The following MAML2 variants were observed in gnomAD, a reference collection of about 807,000 sequenced individuals.
MAML2 encodes mastermind like transcriptional coactivator 2, also known as mastermind-like protein 2.
A neutral mutation model predicts 96.1 loss-of-function variants in MAML2; 22 were observed. That is an observed-to-expected ratio of 0.23 (90% CI 0.16 to 0.33). The LOEUF (loss-of-function observed/expected upper bound fraction) is 0.33, where lower values mean the gene tolerates loss of function less well. MAML2 is among the 10% of genes least tolerant of loss of function. The pLI is 1.00. For synonymous variants in MAML2, 561 were observed against 521.3 expected, an observed-to-expected ratio of 1.08 and a Z score of -1.04; for missense variants, 1,367 against 1,392.4, an observed-to-expected ratio of 0.98 and a Z score of 0.29.
intron 1 of MAML2, among the ~76,000 whole-genome samples, chr11:96,248,235 C>G (rs888791522): frequency 2.6e-5 from 4 of 151,336 alleles, no homozygotes; most frequent in Non-Finnish European, 5.9e-5. Flanking sequence ...ACCTCAGCCT[C>G]CCGGGTAGCT....
At chr11:96,264,871 G>A (rs766897774) in intron 1 of MAML2, among the ~76,000 whole-genome samples, 13 of 152,112 alleles carry the variant, frequency 8.5e-5, no homozygotes, top group Non-Finnish European at 1.6e-4. Context: ...ATTTAGTTTT[G>A]CAAGAACACA....
intron 2 of MAML2, among the ~76,000 whole-genome samples, chr11:96,090,991 G>GTTCC (rs746446514): frequency 6.6e-6 from 1 of 152,204 alleles, no homozygotes; most frequent in Non-Finnish European, 1.5e-5. Context: ...TATATTCAAA[G>GTTCC]TTCCTTCCTT....
intron 1 of MAML2, among the ~76,000 whole-genome samples, chr11:96,126,108 C>A (rs1190532491): frequency 1.3e-5 from 2 of 152,136 alleles, no homozygotes; most frequent in Non-Finnish European, 2.9e-5. Flanking sequence ...TAAGCCCTAA[C>A]TATGTAGTCA....
chr11:96,140,187 C>A (rs1860708697), intron 1 of MAML2, among the ~76,000 whole-genome samples: 1 of 152,240 alleles, frequency 6.6e-6, no homozygotes, highest in Non-Finnish European at 1.5e-5. Context: ...CTCCATTAGA[C>A]TTGTGGCAAG....
At chr11:96,212,163 C>G (rs476817) in intron 1 of MAML2, among the ~76,000 whole-genome samples, 126,833 of 149,540 alleles carry the variant, frequency 0.85, 54,092 homozygotes, top group African/African-American at 0.94. Flanking sequence ...AAGGGGGACT[C>G]GTAATCTCAT....
chr11:96,022,599 T>G (rs1554996904), intron 2 of MAML2, among the ~76,000 whole-genome samples: 1 of 152,068 alleles, frequency 6.6e-6, no homozygotes. Context: ...CCCGAATATC[T>G]GTAGAGGAAA....
At chr11:96,230,853 C>T (rs1269969828) in intron 1 of MAML2, among the ~76,000 whole-genome samples, 2 of 152,328 alleles carry the variant, frequency 1.3e-5, no homozygotes, top group Admixed American at 6.5e-5. Flanking sequence ...ACCCAAATAG[C>T]GGTGTTGTAA....
In MAML2 at chr11:96,331,600, C is replaced by T. The variant is rs1379924052; in HGVS notation, c.513+9783G>A. Among the ~76,000 whole-genome samples, 3 of 151,418 alleles carry T rather than the reference C, an allele frequency of 2.0e-5. No individual in the cohort carries two copies. The South Asian group carries it at 6.2e-4, about 32-fold the overall frequency. On this transcript the variant is annotated intron_variant, in intron 1 of 4. Transcript: ENST00000524717. ...ATCACTTGAGGTCAGGAGTTTGAGA[C>T]CAGCCTGACCAACATGGTGAAACCC...
intron 1 of MAML2, among the ~76,000 whole-genome samples, chr11:96,128,270 T>C (rs928053016): frequency 2.6e-5 from 4 of 152,122 alleles, no homozygotes; most frequent in African/African-American, 9.7e-5. Flanking sequence ...GGCTCATGCC[T>C]GTAGTCCCAA....
intron 1 of MAML2, among the ~76,000 whole-genome samples, chr11:96,166,192 C>T (rs1215211361): frequency 2.6e-5 from 4 of 151,048 alleles, no homozygotes; most frequent in Non-Finnish European, 5.9e-5. Context: ...CACACACACA[C>T]ACACACACAC....
intron 1 of MAML2, among the ~76,000 whole-genome samples, chr11:96,236,163 A>G (rs1862364482): frequency 6.6e-6 from 1 of 152,252 alleles, no homozygotes; most frequent in African/African-American, 2.4e-5. Context: ...CTTCTGTGCC[A>G]CTGGCATATG....
At chr11:96,105,867 T>C (rs1239216643) in intron 1 of MAML2, among the ~76,000 whole-genome samples, 1 of 118,378 alleles carries the variant, frequency 8.4e-6, no homozygotes, top group Non-Finnish European at 2.0e-5. Context: ...GATATTTGGT[T>C]ATAATGGAAA....
At chr11:96,325,241 C>A (rs946224787) in intron 1 of MAML2, among the ~76,000 whole-genome samples, 1 of 152,084 alleles carries the variant, frequency 6.6e-6, no homozygotes, top group Non-Finnish European at 1.5e-5. Context: ...CTTTGTGCCT[C>A]CTGCATAGGT....
At chr11:96,299,052 A>ATATATATATAT (rs1270843589) in intron 1 of MAML2, among the ~76,000 whole-genome samples, 3 of 37,458 alleles carry the variant, frequency 8.0e-5, no homozygotes, top group East Asian at 2.0e-3. Context: ...CTCAAAAAAA[A>ATATATATATAT]AAAAAAAAAT....
chr11:96,186,311 C>A (rs945269469), intron 1 of MAML2, among the ~76,000 whole-genome samples: 1 of 152,148 alleles, frequency 6.6e-6, no homozygotes, highest in Non-Finnish European at 1.5e-5. Context: ...GGATGAAGGC[C>A]GGGTGCAGTG....
chr11:96,325,709 C>A (rs915964725), intron 1 of MAML2, among the ~76,000 whole-genome samples: 13 of 152,030 alleles, frequency 8.6e-5, no homozygotes, highest in Admixed American at 2.0e-4. Context: ...CTTTAACTCT[C>A]AAAACTTGAT....
chr11:96,095,269 C>T lies in MAML2; in HGVS notation c.514-1752G>A, dbSNP rs141019710. 9.8e-3 allele frequency among the ~76,000 whole-genome samples: 1,488 copies of T among 152,040 alleles called. 18 individuals are homozygous for T. Among genetic ancestry groups the T allele is most frequent in the South Asian group, 0.039 (186 of 4,808 alleles). ...AAATGATGAGGAATATGGGAATGGC[C>T]AGGATGCAGTATAGAGCTGAGTGGG... On this transcript the variant is annotated intron_variant, in intron 1 of 4. Transcript: ENST00000524717.
intron 1 of MAML2, among the ~76,000 whole-genome samples, chr11:96,190,477 T>C (rs987685829): frequency 5.9e-5 from 9 of 152,206 alleles, no homozygotes; most frequent in Admixed American, 4.6e-4. Context: ...CATGAAAGAA[T>C]GACAAACCAC....
At chr11:96,210,656 G>A (rs1392593409) in intron 1 of MAML2, among the ~76,000 whole-genome samples, 1 of 152,134 alleles carries the variant, frequency 6.6e-6, no homozygotes, top group Non-Finnish European at 1.5e-5. Context: ...CTGTGTCAAA[G>A]AGATATTGGG....
Sources: allele counts gnomAD v4.1 joint callset (sites outside exome capture counted in the v4.1 genomes callset), GRCh38; gene constraint gnomAD v4.1.1; transcripts MANE v1.5; gene names NCBI Gene and HGNC (gene_info 2026-07-23, HGNC 2026-07-21).